The following SMYD3 variants were observed in gnomAD, a reference collection of about 807,000 sequenced individuals.
The protein encoded by SMYD3 is SET and MYND domain containing 3.
In SMYD3, 36 loss-of-function variants were observed where a neutral mutation model predicts 57.7. That is an observed-to-expected ratio of 0.62 (90% CI 0.48 to 0.82). SMYD3 has a LOEUF of 0.82. Among genes scored for constraint, SMYD3 ranks in the 40% least tolerant of loss-of-function variants. The probability of loss-of-function intolerance (pLI) is 0.00; values close to 1 mark genes in which losing one functional copy is unlikely to be tolerated. For synonymous variants in SMYD3, 211 were observed against 195.0 expected (o/e 1.08, Z -0.68); for missense variants, 515 against 538.8 (o/e 0.96, Z 0.44).
chr1:246,483,078 T>C (rs1417987266), intron 1 of SMYD3, among the ~76,000 whole-genome samples: 32 of 152,184 alleles, frequency 2.1e-4, no homozygotes, highest in Admixed American at 2.0e-3. Context: ...TTAGAAAGGA[T>C]TTACTGTTCA....
At chr1:246,328,360 T>C (rs1374261598) in intron 4 of SMYD3, among the ~76,000 whole-genome samples, 1 of 152,162 alleles carries the variant, frequency 6.6e-6, no homozygotes, top group African/African-American at 2.4e-5. Context: ...ATACAACAGG[T>C]CAATTAATAA....
intron 10 of SMYD3, among the ~76,000 whole-genome samples, chr1:245,826,794 G>C (rs1047559846): frequency 4.6e-5 from 7 of 152,228 alleles, no homozygotes; most frequent in Admixed American, 4.6e-4. Flanking sequence ...CAGGGCGGCA[G>C]GAAGGAGAAT....
chr1:246,503,954 TAAAAAAAAA>T (rs55709330), intron 1 of SMYD3, among the ~76,000 whole-genome samples: 1 of 128,392 alleles, frequency 7.8e-6, no homozygotes. Context: ...AACTCCATCT[TAAAAAAAAA>T]AAAAAAAAAA....
chr1:246,312,584 C>T (rs1231111000), intron 5 of SMYD3, among the ~76,000 whole-genome samples: 1 of 152,116 alleles, frequency 6.6e-6, no homozygotes, highest in African/African-American at 2.4e-5. Context: ...GGTGGAGAAG[C>T]AGTATGCTGT....
intron 5 of SMYD3, among the ~76,000 whole-genome samples, chr1:246,116,627 A>G (rs78476294): frequency 1.3e-5 from 2 of 152,358 alleles, no homozygotes; most frequent in Non-Finnish European, 1.5e-5. Context: ...CAGCTATGCT[A>G]TCTTACTGTC....
In SMYD3 at chr1:246,363,173, C is replaced by A. The variant is rs1269488192; in HGVS notation, c.165-8079G>T. ...GCCGCCCCGTCTGAGAAGTGAGGAG[C>A]CCCTCCGCCCGGCAGCCACCCCGTC... On this transcript the variant is annotated intron_variant, in intron 1 of 11. Coordinates refer to ENST00000490107, the MANE Select transcript of SMYD3 (RefSeq NM_001167740.2). Among the ~76,000 whole-genome samples the A allele has an allele frequency of 4.0e-5, 6 of 149,008 alleles. No individual in the cohort carries two copies. In the East Asian group the frequency reaches 1.0e-3, roughly 25 times the overall value.
At chr1:245,773,418 C>A (rs2046418502) in intron 10 of SMYD3, among the ~76,000 whole-genome samples, 1 of 152,164 alleles carries the variant, frequency 6.6e-6, no homozygotes, top group Admixed American at 6.5e-5. Flanking sequence ...TAAGTGTGTT[C>A]AATTATTTTC....
intron 5 of SMYD3, among the ~76,000 whole-genome samples, chr1:246,204,176 G>GT (rs1388080848): frequency 6.6e-6 from 1 of 152,140 alleles, no homozygotes; most frequent in Non-Finnish European, 1.5e-5. Context: ...CCCAAAAACT[G>GT]TAAGTGGGCC....
chr1:246,379,866 G>A (rs192460677), intron 1 of SMYD3, among the ~76,000 whole-genome samples: 1 of 152,182 alleles, frequency 6.6e-6, no homozygotes, highest in Admixed American at 6.5e-5. Flanking sequence ...CAGGCATGGT[G>A]ACACACACCT....
chr1:245,847,466 T>C (rs2050725399), intron 10 of SMYD3, among the ~76,000 whole-genome samples: 1 of 152,224 alleles, frequency 6.6e-6, no homozygotes. Context: ...AAGTGTGTCC[T>C]TTACATAAAA....
intron 5 of SMYD3, among the ~76,000 whole-genome samples, chr1:246,144,831 C>T (rs566104746): frequency 6.6e-6 from 1 of 152,188 alleles, no homozygotes; most frequent in Admixed American, 6.5e-5. Context: ...TCCCACTTCA[C>T]AGAAGACTAG....
rs551914101 is a variant in SMYD3, at chr1:246,451,637, G to A, written c.164+55417C>T. 2.0e-5 allele frequency among the ~76,000 whole-genome samples: 3 copies of A among 152,326 alleles called. No homozygotes were observed. In the South Asian group the frequency reaches 6.2e-4, roughly 32 times the overall value. On this transcript the variant is annotated intron_variant, in intron 1 of 11. Coordinates refer to ENST00000490107, the MANE Select transcript of SMYD3 (RefSeq NM_001167740.2). ...ACGCTAATGTAAACTATTCACTTTG[G>A]GTGATAATGTCATGAGTAGAAGGTG...
chr1:245,759,395 T>C (rs542881576), intron 11 of SMYD3, among the ~76,000 whole-genome samples: 7 of 152,258 alleles, frequency 4.6e-5, no homozygotes, highest in Non-Finnish European at 7.4e-5. Flanking sequence ...GGATACTAAG[T>C]CCATGGAAGG....
chr1:245,928,349 G>A (rs1400702844), intron 6 of SMYD3, among the ~76,000 whole-genome samples: 1 of 152,104 alleles, frequency 6.6e-6, no homozygotes, highest in Non-Finnish European at 1.5e-5. Context: ...AACCCAACAC[G>A]AAGGTCAGAA....
At chr1:246,400,977 A>G (rs1252713433) in intron 1 of SMYD3, among the ~76,000 whole-genome samples, 1 of 152,210 alleles carries the variant, frequency 6.6e-6, no homozygotes, top group Non-Finnish European at 1.5e-5. Flanking sequence ...ACAAAATCTG[A>G]AGCTCATAAA....
rs559302426 is a variant in SMYD3, at chr1:246,063,645, TTC to T, written c.532-133710_532-133709del. ...TCCCTTCCTCCCTCTCTCCCTCCCT[TTC>T]TCTCTCTCTCTCTTAACAGTCTTCC... On this transcript the variant is annotated intron_variant, in intron 5 of 11. Coordinates refer to ENST00000490107, the MANE Select transcript of SMYD3 (RefSeq NM_001167740.2). Among the ~76,000 whole-genome samples, 31 of 139,550 alleles carry T rather than the reference TTC, an allele frequency of 2.2e-4. No homozygotes were observed. In the East Asian group the frequency reaches 5.3e-3, roughly 24 times the overall value. 91.6% of individuals were successfully genotyped at this position (139,550 alleles called of 152,430 possible).
chr1:246,265,306 A>G lies in SMYD3; in HGVS notation c.531+61895T>C, dbSNP rs1002418981. 1.7e-3 allele frequency among the ~76,000 whole-genome samples: 250 copies of G among 148,264 alleles called. 1 individual carries two copies. Among genetic ancestry groups the G allele is most frequent in the African/African-American group, 5.8e-3 (232 of 40,130 alleles). On this transcript the variant is annotated intron_variant, in intron 5 of 11. Transcript: ENST00000490107. ...GCCAACATACCCAGCTAATTTTTGT[A>G]TTTTTTTTTTTTGTAATAGACAGGG... is the stretch of plus-strand genomic sequence containing the variant.
At chr1:246,323,068 C>T (rs1490087808) in intron 5 of SMYD3, among the ~76,000 whole-genome samples, 1 of 152,234 alleles carries the variant, frequency 6.6e-6, no homozygotes, top group Non-Finnish European at 1.5e-5. Context: ...TTTCCCAACA[C>T]CAGCCTCGCT....
At chr1:246,316,898 G>A (rs2065169992) in intron 5 of SMYD3, among the ~76,000 whole-genome samples, 1 of 151,148 alleles carries the variant, frequency 6.6e-6, no homozygotes, top group African/African-American at 2.4e-5. Context: ...GGGAGGCTGA[G>A]GCAGGAGAAT....
Sources: allele counts gnomAD v4.1 joint callset (sites outside exome capture counted in the v4.1 genomes callset), GRCh38; gene constraint gnomAD v4.1.1; transcripts MANE v1.5; gene names NCBI Gene and HGNC (gene_info 2026-07-23, HGNC 2026-07-21).